The following NOS1 variants were observed in gnomAD, a reference collection of about 807,000 sequenced individuals.
The protein encoded by NOS1 is nitric oxide synthase 1.
A neutral mutation model predicts 164.5 loss-of-function variants in NOS1; 51 were observed. That is an observed-to-expected ratio of 0.31 (90% confidence interval 0.25 to 0.39). The LOEUF (loss-of-function observed/expected upper bound fraction) is 0.39. Among genes scored for constraint, NOS1 ranks in the 10% least tolerant of loss-of-function variants. NOS1 has a pLI of 1.00. For synonymous variants in NOS1, 719 were observed against 745.8 expected (o/e 0.96, Z 0.59); for missense variants, 1,362 against 1,885.6 (o/e 0.72, Z 5.14).
At chr12:117,232,880 ATT>A (rs1025538650) in intron 21 of NOS1, among the ~76,000 whole-genome samples, 9 of 151,446 alleles carry the variant, frequency 5.9e-5, no homozygotes, top group African/African-American at 2.2e-4. Context: ...TTATTTATTT[ATT>A]TTTTTGAGAC....
In NOS1 at chr12:117,268,334, G is replaced by C. The variant is rs41397345; in HGVS notation, c.1840-190C>G. Among the ~76,000 whole-genome samples, 9 of 151,414 alleles carry C rather than the reference G, an allele frequency of 5.9e-5. No individual in the cohort carries two copies. The East Asian group carries it at 1.8e-3, about 30-fold the overall frequency. On this transcript the variant is annotated intron_variant, in intron 10 of 28. Coordinates refer to ENST00000317775, the MANE Select transcript of NOS1 (RefSeq NM_000620.5). ...CAACCTCTGCCTCCTGCATTCAAGC[G>C]ATTCTCCTGCCTCAGCCTCCTGAGT...
At chr12:117,221,311 C>T (rs1356871792) in intron 26 of NOS1, among the ~76,000 whole-genome samples, 2 of 150,922 alleles carry the variant, frequency 1.3e-5, no homozygotes. Flanking sequence ...TGCATCACCA[C>T]ACCTGGCTTT....
intron 21 of NOS1, 37 bp from the exon 22 acceptor site, chr12:117,232,168 G>A (rs1869294196): frequency 1.2e-6 from 2 of 1,604,966 alleles, no homozygotes; most frequent in African/African-American, 1.3e-5. Flanking sequence ...GTGGGTGTGG[G>A]AGGGCTTGAG....
chr12:117,275,980 A>G (rs1156389243), intron 9 of NOS1, among the ~76,000 whole-genome samples: 1 of 151,960 alleles, frequency 6.6e-6, no homozygotes, highest in Non-Finnish European at 1.5e-5. Context: ...CAGCAACTTC[A>G]TGACTCCAAA....
At chr12:117,352,399 C>T (rs1876665046) in intron 1 of NOS1, among the ~76,000 whole-genome samples, 1 of 152,070 alleles carries the variant, frequency 6.6e-6, no homozygotes, top group African/African-American at 2.4e-5. Context: ...ACGGAAAAAC[C>T]AACTTTGGAA....
chr12:117,246,677 C>T (rs1870642082), intron 18 of NOS1, among the ~76,000 whole-genome samples: 1 of 152,172 alleles, frequency 6.6e-6, no homozygotes, highest in Admixed American at 6.5e-5. Flanking sequence ...TGCCTTCTGT[C>T]TCTATGGATT....
intron 13 of NOS1, among the ~76,000 whole-genome samples, chr12:117,262,958 C>T (rs981828308): frequency 6.6e-6 from 1 of 152,090 alleles, no homozygotes; most frequent in African/African-American, 2.4e-5. Context: ...CAATTGTCAC[C>T]TCCTCCAGGA....
At chr12:117,275,462 G>A (rs1413475312) in intron 9 of NOS1, among the ~76,000 whole-genome samples, 1 of 152,154 alleles carries the variant, frequency 6.6e-6, no homozygotes, top group Admixed American at 6.6e-5. Context: ...TGATCTCATG[G>A]AAGTAAAAAG....
chr12:117,288,977 C>T (rs1872880097), intron 4 of NOS1, among the ~76,000 whole-genome samples: 1 of 152,164 alleles, frequency 6.6e-6, no homozygotes, highest in African/African-American at 2.4e-5. Flanking sequence ...TGGACCAGAT[C>T]AATCACTGAT....
At chr12:117,294,240 C>T (rs888584776) in intron 3 of NOS1, among the ~76,000 whole-genome samples, 8 of 152,056 alleles carry the variant, frequency 5.3e-5, no homozygotes, top group Non-Finnish European at 7.3e-5. Flanking sequence ...GTGATGACAT[C>T]GGGTCTGGGC....
intron 2 of NOS1, among the ~76,000 whole-genome samples, chr12:117,324,501 G>A (rs1303813057): frequency 2.0e-5 from 3 of 152,108 alleles, no homozygotes; most frequent in Admixed American, 6.6e-5. Flanking sequence ...AGGCTGAGGC[G>A]GGCGGATAAT....
intron 22 of NOS1, among the ~76,000 whole-genome samples, chr12:117,229,889 T>A (rs1264477733): frequency 6.6e-6 from 1 of 152,078 alleles, no homozygotes; most frequent in Non-Finnish European, 1.5e-5. Flanking sequence ...GTGCCCGGCC[T>A]ATTTATTTAT....
chr12:117,307,437 T>G (rs1054505131), intron 3 of NOS1, among the ~76,000 whole-genome samples: 1 of 152,180 alleles, frequency 6.6e-6, no homozygotes, highest in African/African-American at 2.4e-5. Context: ...CAGGGCTCAC[T>G]GTAGCCTCAA....
At chr12:117,324,458 G>A (rs12227767) in intron 2 of NOS1, among the ~76,000 whole-genome samples, 36,671 of 152,120 alleles carry the variant, frequency 0.24, 4,846 homozygotes, top group Non-Finnish European at 0.29. Flanking sequence ...AGCCAGGCAC[G>A]GTGGCTCACG....
chr12:117,331,110 A>G lies in NOS1; in HGVS notation c.-41T>C, dbSNP rs1335042312. The G allele has an allele frequency of 6.4e-7, 1 of 1,572,146 alleles. No individual in the cohort carries two copies. The highest frequency in any genetic ancestry group is 8.6e-7 in the Non-Finnish European group (1 of 1,156,660). Reference sequence around the variant, plus strand: ...AGGGGTCCTGTCTGAAGACCTCACAATGCTATCAGGCCAAGATGATTTCAC... The same window carrying G: ...AGGGGTCCTGTCTGAAGACCTCACAGTGCTATCAGGCCAAGATGATTTCAC... On this transcript the variant is annotated 5_prime_UTR_variant, in exon 2 of 29. Transcript: ENST00000317775.
Position 117,213,381 on chromosome 12 carries a change from G to A in NOS1, c.*1928C>T, listed in dbSNP as rs971685318. The A allele has an allele frequency of 1.0e-6, 1 of 985,390 alleles. No homozygotes were observed. The highest frequency in any genetic ancestry group is 1.7e-5 in the African/African-American group (1 of 57,262). 61.0% of individuals were successfully genotyped at this position (985,390 alleles called of 1,614,324 possible). On this transcript the variant is annotated 3_prime_UTR_variant, in exon 29 of 29. Transcript: ENST00000317775. ...AGAAGGGGTGAGTGTGGGATGCTAA[G>A]TGTTTGTTCTTTATATCTGTGGAAG...
At chr12:117,345,646 G>A (rs1440386280) in intron 1 of NOS1, among the ~76,000 whole-genome samples, 3 of 152,212 alleles carry the variant, frequency 2.0e-5, no homozygotes, top group Admixed American at 6.5e-5. Context: ...TAAAAATAAT[G>A]ATTATGGTAT....
chr12:117,323,584 A>G (rs906416392), intron 2 of NOS1, among the ~76,000 whole-genome samples: 1 of 152,130 alleles, frequency 6.6e-6, no homozygotes, highest in African/African-American at 2.4e-5. Flanking sequence ...ATTAATTGAC[A>G]TAGAGACTGT....
intron 2 of NOS1, among the ~76,000 whole-genome samples, chr12:117,316,736 T>TG (rs1292092586): frequency 6.6e-6 from 1 of 152,112 alleles, no homozygotes; most frequent in Non-Finnish European, 1.5e-5. Context: ...AGGGCTTATG[T>TG]GGGGGGCCTC....
Sources: allele counts gnomAD v4.1 joint callset (sites outside exome capture counted in the v4.1 genomes callset), GRCh38; gene constraint gnomAD v4.1.1; transcripts MANE v1.5; gene names NCBI Gene and HGNC (gene_info 2026-07-23, HGNC 2026-07-21).